Variants in CNTNAP2 observed in about 807,000 individuals in gnomAD.
The protein encoded by CNTNAP2 is contactin-associated protein-like 2.
A neutral mutation model predicts 155.2 loss-of-function variants in CNTNAP2; 98 were observed. The ratio of observed to expected loss-of-function variants is 0.63; its 90% CI spans 0.54 to 0.75. CNTNAP2 has a LOEUF of 0.75. Among genes scored for constraint, CNTNAP2 ranks in the 30% least tolerant of loss-of-function variants. The pLI is 0.00. For synonymous variants in CNTNAP2, 651 were observed against 631.2 expected, an observed-to-expected ratio of 1.03 and a Z score of -0.47; for missense variants, 1,727 against 1,688.1, an observed-to-expected ratio of 1.02 and a Z score of -0.40.
chr7:147,162,601 C>T (rs544126008), intron 8 of CNTNAP2, among the ~76,000 whole-genome samples: 7 of 152,116 alleles, frequency 4.6e-5, no homozygotes, highest in African/African-American at 1.7e-4. Context: ...TTTCTTTGTT[C>T]CCACCCAGAA....
At chr7:146,690,610 A>G (rs1257456707) in intron 1 of CNTNAP2, among the ~76,000 whole-genome samples, 1 of 152,208 alleles carries the variant, frequency 6.6e-6, no homozygotes, top group Non-Finnish European at 1.5e-5. Flanking sequence ...GATAGCTAGA[A>G]TCTGCTCTCG....
chr7:147,121,106 G>C lies in CNTNAP2; in HGVS notation c.882G>C (p.Arg294Ser), dbSNP rs370716351. The change falls in exon 6 of 24, where the codon AGG becomes AGC. Residue 294 changes from arginine to serine, a missense_variant. By Grantham distance (110) the Arg-to-Ser change is moderately radical (BLOSUM62 -1). Transcript: ENST00000361727. ...QGRSINLTLD[R>S]SMQHFRTNGE... ...GGAGCATTAACCTCACTCTGGACAG[G>C]AGCATGCAGCACTTCCGTACCAATG... The C allele has an allele frequency of 1.9e-6, 3 of 1,614,020 alleles. No individual in the cohort carries two copies. The African/African-American group carries it at 4.0e-5, about 22-fold the overall frequency.
At chr7:146,118,121 T>C (rs1424702071) in intron 1 of CNTNAP2, among the ~76,000 whole-genome samples, 1 of 152,160 alleles carries the variant, frequency 6.6e-6, no homozygotes, top group Non-Finnish European at 1.5e-5. Flanking sequence ...TCAACAGGAA[T>C]AGCATTGAAA....
intron 14 of CNTNAP2, among the ~76,000 whole-genome samples, chr7:147,959,840 C>T (rs1801085480): frequency 1.3e-5 from 2 of 152,108 alleles, no homozygotes; most frequent in African/African-American, 4.8e-5. Context: ...AGCCCCACCT[C>T]TGGAGTCGAG....
intron 14 of CNTNAP2, among the ~76,000 whole-genome samples, chr7:147,935,340 T>C (rs1201750885): frequency 6.6e-6 from 1 of 152,162 alleles, no homozygotes; most frequent in East Asian, 1.9e-4. Context: ...TTGGCCAGAA[T>C]GGTCTTGATC....
chr7:146,755,274 T>A (rs1221237027), intron 1 of CNTNAP2, among the ~76,000 whole-genome samples: 1 of 152,058 alleles, frequency 6.6e-6, no homozygotes, highest in Non-Finnish European at 1.5e-5. Flanking sequence ...CAGTAGAGAA[T>A]GTCTGCAATC....
intron 1 of CNTNAP2, among the ~76,000 whole-genome samples, chr7:146,297,544 A>G (rs955385111): frequency 6.6e-6 from 1 of 152,170 alleles, no homozygotes; most frequent in Non-Finnish European, 1.5e-5. Flanking sequence ...CATGTAAAGC[A>G]TACAAAACTA....
chr7:147,142,410 C>G (rs1801617926), intron 8 of CNTNAP2, among the ~76,000 whole-genome samples: 1 of 152,176 alleles, frequency 6.6e-6, no homozygotes, highest in Non-Finnish European at 1.5e-5. Context: ...AGCCTTGCAT[C>G]CCAGGGATGA....
At chr7:146,895,353 C>T (rs1218534969) in intron 3 of CNTNAP2, among the ~76,000 whole-genome samples, 1 of 147,704 alleles carries the variant, frequency 6.8e-6, no homozygotes, top group African/African-American at 2.5e-5. Flanking sequence ...CTCTCTTTCT[C>T]TCTTTCTTTT....
At chr7:147,782,961 A>G (rs935051603) in intron 13 of CNTNAP2, among the ~76,000 whole-genome samples, 1 of 152,234 alleles carries the variant, frequency 6.6e-6, no homozygotes, top group Non-Finnish European at 1.5e-5. Context: ...TAAGCAAATT[A>G]AGAAATTTGA....
intron 15 of CNTNAP2, among the ~76,000 whole-genome samples, chr7:148,003,816 T>A (rs1179979457): frequency 2.6e-5 from 4 of 152,226 alleles, no homozygotes; most frequent in Non-Finnish European, 5.9e-5. Context: ...TTAAGATAAA[T>A]AGACAATTAG....
At chr7:148,404,918 C>T (rs1436836731) in intron 22 of CNTNAP2, among the ~76,000 whole-genome samples, 1 of 152,114 alleles carries the variant, frequency 6.6e-6, no homozygotes, top group Non-Finnish European at 1.5e-5. Context: ...GATGTTCAGC[C>T]GCTTGTTCTC....
intron 3 of CNTNAP2, among the ~76,000 whole-genome samples, chr7:146,857,477 T>C (rs896858979): frequency 6.6e-6 from 1 of 152,198 alleles, no homozygotes; most frequent in Non-Finnish European, 1.5e-5. Context: ...TGTGAGTATA[T>C]AAATAAACAT....
At chr7:146,761,366 G>C (rs1802096645) in intron 1 of CNTNAP2, among the ~76,000 whole-genome samples, 1 of 152,118 alleles carries the variant, frequency 6.6e-6, no homozygotes, top group Non-Finnish European at 1.5e-5. Flanking sequence ...TGAAAAGAGA[G>C]GGAAGCAGAC....
intron 1 of CNTNAP2, among the ~76,000 whole-genome samples, chr7:146,413,218 T>C (rs1795891245): frequency 6.6e-6 from 1 of 152,050 alleles, no homozygotes; most frequent in Admixed American, 6.6e-5. Flanking sequence ...GGAAAGAAAA[T>C]GATCAAAAGG....
intron 12 of CNTNAP2, among the ~76,000 whole-genome samples, chr7:147,636,115 G>T (rs1335214359): frequency 6.6e-6 from 1 of 152,158 alleles, no homozygotes; most frequent in African/African-American, 2.4e-5. Context: ...TGGCTTCTTT[G>T]CTTATCAGAA....
At chr7:146,494,452 A>G (rs1392577487) in intron 1 of CNTNAP2, among the ~76,000 whole-genome samples, 2 of 152,148 alleles carry the variant, frequency 1.3e-5, no homozygotes, top group African/African-American at 4.8e-5. Context: ...AGTGAAAAAT[A>G]AAAGTTTCCC....
intron 4 of CNTNAP2, among the ~76,000 whole-genome samples, chr7:147,103,713 T>C (rs1204618822): frequency 6.6e-6 from 1 of 151,938 alleles, no homozygotes; most frequent in African/African-American, 2.4e-5. Flanking sequence ...AAAATCTATA[T>C]AATTTTTTAC....
intron 8 of CNTNAP2, chr7:147,146,799 C>G (rs1801713255): frequency 6.6e-6 from 1 of 152,128 alleles, no homozygotes; most frequent in Non-Finnish European, 1.5e-5. Flanking sequence ...GAAATCGTAC[C>G]TTTTTCTTAA....
Sources: gnomAD v4.1 joint callset for allele counts (sites outside exome capture counted in the v4.1 genomes callset) on GRCh38, gnomAD v4.1.1 for gene constraint, MANE v1.5 for transcripts, NCBI Gene and HGNC (gene_info 2026-07-23, HGNC 2026-07-21) for gene names.